Variants in ZDHHC14 observed in about 807,000 individuals in gnomAD.
ZDHHC14 encodes the protein palmitoyltransferase ZDHHC14.
In ZDHHC14, 16 loss-of-function variants were observed where a neutral mutation model predicts 47.7. The ratio of observed to expected loss-of-function variants is 0.34; its 90% confidence interval spans 0.23 to 0.51. ZDHHC14 has a LOEUF of 0.51. ZDHHC14 is among the 20% of genes least tolerant of loss of function. The pLI is 0.97. For synonymous variants in ZDHHC14, 293 were observed against 278.9 expected (o/e 1.05, Z -0.50); for missense variants, 515 against 662.5 (o/e 0.78, Z 2.44).
chr6:157,597,138 G>A (rs915497535), intron 3 of ZDHHC14, among the ~76,000 whole-genome samples: 4 of 152,064 alleles, frequency 2.6e-5, no homozygotes, highest in Admixed American at 6.6e-5. Flanking sequence ...TTATCCAGGC[G>A]GGCTTTGAGG....
At chr6:157,643,954 A>G (rs570599919) in intron 5 of ZDHHC14, among the ~76,000 whole-genome samples, 34 of 152,206 alleles carry the variant, frequency 2.2e-4, no homozygotes, top group Admixed American at 1.8e-3. Context: ...TGTATTATTC[A>G]GTAAATAAAT....
intron 3 of ZDHHC14, among the ~76,000 whole-genome samples, chr6:157,623,287 C>T (rs1212926870): frequency 6.6e-6 from 1 of 152,112 alleles, no homozygotes; most frequent in Non-Finnish European, 1.5e-5. Context: ...CCATGCTATT[C>T]TCATGATAGT....
At chr6:157,559,683 C>T (rs758818092) in intron 2 of ZDHHC14, among the ~76,000 whole-genome samples, 10 of 152,218 alleles carry the variant, frequency 6.6e-5, no homozygotes, top group Non-Finnish European at 1.0e-4. Flanking sequence ...CCACTTCAAG[C>T]TCCAGGTTGT....
chr6:157,628,366 T>C lies in ZDHHC14; in HGVS notation c.583T>C (p.Cys195Arg). 1 of 1,610,392 alleles carries C rather than the reference T, an allele frequency of 6.2e-7. No individual in the cohort carries two copies. Among genetic ancestry groups the C allele is most frequent in the Non-Finnish European group, 8.5e-7 (1 of 1,179,262 alleles). Residue 195 changes from cysteine to arginine, a missense_variant, in exon 4 of 9, where the codon TGT becomes CGT. Around this residue, in one of 4 missense-constraint regions of ZDHHC14, gnomAD observed 229 missense variants for 351.5 expected, o/e 0.65. Coordinates refer to ENST00000359775, the MANE Select transcript of ZDHHC14 (RefSeq NM_024630.3). ...DNCVERFDHH[C>R]PWVGNCVGKR... ...CATTTCAGAACGGTTTGATCACCAC[T>C]GTCCCTGGGTAGGCAACTGTGTGGG...
chr6:157,585,394 C>T (rs1398886233), intron 2 of ZDHHC14, among the ~76,000 whole-genome samples: 1 of 145,326 alleles, frequency 6.9e-6, no homozygotes, highest in African/African-American at 2.6e-5. Flanking sequence ...TTACCAACAA[C>T]CAAAGGAAAC....
chr6:157,461,467 G>T (rs777673985), intron 1 of ZDHHC14, among the ~76,000 whole-genome samples: 1 of 152,160 alleles, frequency 6.6e-6, no homozygotes, highest in Non-Finnish European at 1.5e-5. Flanking sequence ...TTTCCTGAAC[G>T]CATTGTACGT....
intron 1 of ZDHHC14, among the ~76,000 whole-genome samples, chr6:157,414,613 A>G (rs1777937969): frequency 6.6e-6 from 1 of 152,212 alleles, no homozygotes; most frequent in Non-Finnish European, 1.5e-5. Flanking sequence ...ATCCAGGCCA[A>G]GAGACCTATG....
At chr6:157,517,280 A>C (rs890033217) in intron 1 of ZDHHC14, among the ~76,000 whole-genome samples, 1 of 151,168 alleles carries the variant, frequency 6.6e-6, no homozygotes, top group Non-Finnish European at 1.5e-5. Flanking sequence ...TGTGATGGGG[A>C]CACAGTACCC....
At chr6:157,416,675 A>T (rs1356364952) in intron 1 of ZDHHC14, among the ~76,000 whole-genome samples, 60 of 19,062 alleles carry the variant, frequency 3.1e-3, no homozygotes, top group African/African-American at 5.2e-3. Context: ...CTCATTAAAA[A>T]AAAAAAAAAA....
intron 1 of ZDHHC14, among the ~76,000 whole-genome samples, chr6:157,540,822 A>G (rs1396789624): frequency 6.6e-6 from 1 of 151,074 alleles, no homozygotes; most frequent in Admixed American, 6.6e-5. Flanking sequence ...AAAGTAGATT[A>G]TTTTAGACTA....
rs148634886 is a variant in ZDHHC14, at chr6:157,499,983, T to C, written c.246-42602T>C. ...ATGTTCTAGTAGGGATGTCTGACAA[T>C]GAGGAAGTCCACAAATATATGTATA... On this transcript the variant is annotated intron_variant, in intron 1 of 8. Coordinates refer to ENST00000359775, the MANE Select transcript of ZDHHC14 (RefSeq NM_024630.3). 3.4e-3 allele frequency among the ~76,000 whole-genome samples: 511 copies of C among 152,248 alleles called. 2 individuals are homozygous for C. Among genetic ancestry groups the C allele is most frequent in the African/African-American group, 0.011 (449 of 41,540 alleles).
At chr6:157,494,983 G>A (rs1780020450) in intron 1 of ZDHHC14, among the ~76,000 whole-genome samples, 1 of 152,256 alleles carries the variant, frequency 6.6e-6, no homozygotes, top group East Asian at 1.9e-4. Flanking sequence ...ATGTAGCTTA[G>A]ATTTGGTATC....
intron 1 of ZDHHC14, among the ~76,000 whole-genome samples, chr6:157,452,806 G>A (rs547447020): frequency 5.6e-5 from 8 of 142,200 alleles, no homozygotes; most frequent in African/African-American, 1.3e-4. Flanking sequence ...GGGTTCAAGC[G>A]ATTCTCGTGC....
At chr6:157,465,877 A>T (rs765622455) in intron 1 of ZDHHC14, among the ~76,000 whole-genome samples, 1 of 152,116 alleles carries the variant, frequency 6.6e-6, no homozygotes, top group Non-Finnish European at 1.5e-5. Flanking sequence ...CCCCGTCCCT[A>T]CTAAAAATAC....
chr6:157,496,148 T>C (rs1583708357), intron 1 of ZDHHC14, among the ~76,000 whole-genome samples: 1 of 152,220 alleles, frequency 6.6e-6, no homozygotes, highest in South Asian at 2.1e-4. Flanking sequence ...TATCCTTTCT[T>C]GGAGCCAAGA....
chr6:157,467,071 C>T (rs1779236508), intron 1 of ZDHHC14, among the ~76,000 whole-genome samples: 1 of 152,084 alleles, frequency 6.6e-6, no homozygotes, highest in South Asian at 2.1e-4. Flanking sequence ...GTTCCCATCT[C>T]TAATTTGGAA....
chr6:157,507,398 C>T (rs1213035481), intron 1 of ZDHHC14, among the ~76,000 whole-genome samples: 10 of 151,516 alleles, frequency 6.6e-5, no homozygotes, highest in Non-Finnish European at 1.2e-4. Context: ...ATTCTCATGT[C>T]TCAGCCTCCT....
chr6:157,583,301 A>G (rs1480144431), intron 2 of ZDHHC14, among the ~76,000 whole-genome samples: 3 of 152,090 alleles, frequency 2.0e-5, no homozygotes, highest in Non-Finnish European at 4.4e-5. Context: ...TGGCTATTTG[A>G]GTTGCCAGAG....
chr6:157,570,113 A>G (rs1783042431), intron 2 of ZDHHC14, among the ~76,000 whole-genome samples: 1 of 152,200 alleles, frequency 6.6e-6, no homozygotes, highest in African/African-American at 2.4e-5. Context: ...CTTCAATGCT[A>G]AAGATAAAAT....
Sources: gnomAD v4.1 joint callset for allele counts (sites outside exome capture counted in the v4.1 genomes callset) on GRCh38, gnomAD v4.1.1 for gene constraint, gnomAD v4.1.1 regional missense constraint, MANE v1.5 for transcripts, NCBI Gene and HGNC (gene_info 2026-07-23, HGNC 2026-07-21) for gene names.